The following PLCB1 variants were observed in gnomAD, a reference collection of about 807,000 sequenced individuals.
PLCB1 encodes phospholipase C beta 1.
PLCB1 carries 46 observed loss-of-function variants against 161.8 expected under a neutral mutation model. That is an observed-to-expected ratio of 0.28 (90% confidence interval 0.22 to 0.36). PLCB1 has a LOEUF of 0.36. PLCB1 is among the 10% of genes least tolerant of loss of function. The probability of loss-of-function intolerance (pLI) is 1.00; values close to 1 mark genes in which losing one functional copy is unlikely to be tolerated. For synonymous variants in PLCB1, 517 were observed against 503.7 expected (o/e 1.03, Z -0.35); for missense variants, 1,016 against 1,472.5 (o/e 0.69, Z 5.07).
Position 8,717,724 on chromosome 20 carries a change from G to A in PLCB1, c.1389G>A (p.Leu463=). 2.5e-6 allele frequency: 4 copies of A among 1,613,382 alleles called. No individual in the cohort carries two copies. The highest frequency in any genetic ancestry group is 2.7e-5 in the African/African-American group (2 of 74,958). ...PSPMDLMYKI[L]VKNKKKSHKS... ...CTATGGATTTAATGTATAAAATTTT[G>A]GTGAAAAATAAGAAGAAATCACACA... Residue 463 remains leucine (L), a synonymous_variant, in exon 14 of 32, where the codon TTG becomes TTA. Coordinates refer to ENST00000338037, the MANE Select transcript of PLCB1 (RefSeq NM_015192.4).
chr20:8,277,888 C>G (rs966055007), intron 2 of PLCB1, among the ~76,000 whole-genome samples: 1 of 152,072 alleles, frequency 6.6e-6, no homozygotes, highest in Non-Finnish European at 1.5e-5. Context: ...AGAGCACTAG[C>G]ATTGCTGGAA....
chr20:8,485,550 A>T (rs1449008955), intron 3 of PLCB1, among the ~76,000 whole-genome samples: 3 of 152,240 alleles, frequency 2.0e-5, no homozygotes, highest in Non-Finnish European at 2.9e-5. Flanking sequence ...CATTAGTCAT[A>T]TAAAAGTTCA....
intron 3 of PLCB1, among the ~76,000 whole-genome samples, chr20:8,558,942 G>C (rs896088662): frequency 2.0e-5 from 3 of 151,878 alleles, no homozygotes; most frequent in Non-Finnish European, 4.4e-5. Flanking sequence ...AAATGGTAAG[G>C]AGATGCCTTC....
chr20:8,393,063 G>T (rs1320499337), intron 3 of PLCB1, among the ~76,000 whole-genome samples: 2 of 152,152 alleles, frequency 1.3e-5, no homozygotes, highest in East Asian at 3.8e-4. Flanking sequence ...GTTTGTTGGT[G>T]TTTAAAGGTG....
chr20:8,424,861 A>C (rs1316468071), intron 3 of PLCB1, among the ~76,000 whole-genome samples: 1 of 152,198 alleles, frequency 6.6e-6, no homozygotes, highest in Non-Finnish European at 1.5e-5. Context: ...TGAAAACAAA[A>C]GTACACTCCA....
At chr20:8,499,026 T>A (rs1983295328) in intron 3 of PLCB1, among the ~76,000 whole-genome samples, 1 of 152,220 alleles carries the variant, frequency 6.6e-6, no homozygotes, top group South Asian at 2.1e-4. Flanking sequence ...CCTGTACCAC[T>A]TGTCAAGGTT....
At chr20:8,419,278 G>A (rs184817925) in intron 3 of PLCB1, among the ~76,000 whole-genome samples, 47 of 152,234 alleles carry the variant, frequency 3.1e-4, no homozygotes, top group African/African-American at 1.1e-3. Flanking sequence ...ATTTACATTT[G>A]TTATGGGAAT....
At chr20:8,558,980 T>C (rs1986053992) in intron 3 of PLCB1, among the ~76,000 whole-genome samples, 1 of 151,930 alleles carries the variant, frequency 6.6e-6, no homozygotes, top group Admixed American at 6.6e-5. Context: ...AACTCGATAG[T>C]AACTTAAAGG....
At chr20:8,580,197 G>A (rs1986791010) in intron 3 of PLCB1, among the ~76,000 whole-genome samples, 1 of 152,116 alleles carries the variant, frequency 6.6e-6, no homozygotes, top group Non-Finnish European at 1.5e-5. Flanking sequence ...CTCCAAACTG[G>A]GGTGGCCCCA....
chr20:8,674,263 A>C (rs902714754), intron 9 of PLCB1, among the ~76,000 whole-genome samples: 1 of 152,242 alleles, frequency 6.6e-6, no homozygotes, highest in Non-Finnish European at 1.5e-5. Context: ...GAGTGCCAGC[A>C]GGAGAGATTG....
intron 16 of PLCB1, 74 bp from the exon 17 acceptor site, chr20:8,727,235 A>G (rs913534297): frequency 4.4e-6 from 3 of 679,036 alleles, no homozygotes; most frequent in Non-Finnish European, 5.1e-6. Context: ...CATTTCTTTT[A>G]TAATGTTATA....
At chr20:8,742,495 G>A (rs937829904) in intron 23 of PLCB1, among the ~76,000 whole-genome samples, 11 of 152,130 alleles carry the variant, frequency 7.2e-5, no homozygotes, top group Admixed American at 3.9e-4. Flanking sequence ...AATTTAAAAC[G>A]TAAAAATGAC....
intron 31 of PLCB1, among the ~76,000 whole-genome samples, chr20:8,843,281 T>C (rs377229764): frequency 3.9e-5 from 6 of 152,056 alleles, no homozygotes; most frequent in African/African-American, 9.6e-5. Context: ...TACCATCACC[T>C]AGACAGAAAT....
intron 3 of PLCB1, among the ~76,000 whole-genome samples, chr20:8,406,646 C>T (rs1026382612): frequency 2.6e-5 from 4 of 152,096 alleles, no homozygotes; most frequent in East Asian, 3.9e-4. Context: ...AAGAGCCTGT[C>T]GAGCAGAGAG....
chr20:8,333,984 C>T (rs1279623236), intron 2 of PLCB1, among the ~76,000 whole-genome samples: 4 of 152,158 alleles, frequency 2.6e-5, no homozygotes, highest in Non-Finnish European at 5.9e-5. Flanking sequence ...CGGAGGCGGA[C>T]GGATCACCTG....
chr20:8,185,201 CA>C (rs2051890271), intron 2 of PLCB1, among the ~76,000 whole-genome samples: 2 of 151,998 alleles, frequency 1.3e-5, no homozygotes, highest in African/African-American at 2.4e-5. Context: ...TGATATCTAC[CA>C]AAACTACATG....
chr20:8,467,033 T>G (rs140728738), intron 3 of PLCB1, among the ~76,000 whole-genome samples: 5 of 152,222 alleles, frequency 3.3e-5, no homozygotes, highest in Non-Finnish European at 7.4e-5. Flanking sequence ...TCTGCCTCCT[T>G]GATTCAAGCG....
At chr20:8,765,005 G>GCTGA in intron 25 of PLCB1, 134 bp from the exon 26 acceptor site, 1 of 678,490 alleles carries the variant, frequency 1.5e-6, no homozygotes, top group East Asian at 2.7e-5. Flanking sequence ...CCCAGGTAGA[G>GCTGA]CTGACATCAA....
At chr20:8,874,233 C>T in intron 31 of PLCB1, among the ~76,000 whole-genome samples, 1 of 132,342 alleles carries the variant, frequency 7.6e-6, no homozygotes, top group South Asian at 3.1e-4. Flanking sequence ...TGTACACACA[C>T]ACACACACAC....
Sources: gnomAD v4.1 joint callset for allele counts (sites outside exome capture counted in the v4.1 genomes callset) on GRCh38, gnomAD v4.1.1 for gene constraint, MANE v1.5 for transcripts, NCBI Gene and HGNC (gene_info 2026-07-23, HGNC 2026-07-21) for gene names.